The following PPP1CC variants were observed in gnomAD, a reference collection of about 807,000 sequenced individuals.
PPP1CC encodes protein phosphatase 1 catalytic subunit gamma.
A neutral mutation model predicts 38.4 loss-of-function variants in PPP1CC; 16 were observed. The observed-to-expected ratio is 0.42, with a 90% CI of 0.28 to 0.63. The LOEUF (loss-of-function observed/expected upper bound fraction) is 0.63. Among genes scored for constraint, PPP1CC ranks in the 30% least tolerant of loss-of-function variants. PPP1CC has a pLI of 0.25. For synonymous variants in PPP1CC, 158 were observed against 136.0 expected (o/e 1.16, Z -1.13); for missense variants, 170 against 391.3 (o/e 0.43, Z 4.77).
chr12:110,717,023 C>T (rs1239448961), downstream of PPP1CC, among the ~76,000 whole-genome samples: 1 of 152,216 alleles, frequency 6.6e-6, no homozygotes, highest in Non-Finnish European at 1.5e-5. Flanking sequence ...TCTGCCTGTG[C>T]CTGGCCCAAG....
Position 110,720,567 on chromosome 12 carries a change from T to C in PPP1CC, c.*509A>G. 1 of 228,706 alleles carries C rather than the reference T, an allele frequency of 4.4e-6. No individual in the cohort carries two copies. The highest frequency in any genetic ancestry group is 8.6e-6 in the Non-Finnish European group (1 of 115,642). 14.2% of individuals were successfully genotyped at this position (228,706 alleles called of 1,614,324 possible). A position where few individuals can be genotyped will look rare whatever the true frequency, so the allele number is the denominator to read the frequency against. On this transcript the variant is annotated 3_prime_UTR_variant, in exon 7 of 7. Transcript: ENST00000335007. ...TAATGTTGATAGCTATAAAAACTAG[T>C]TTGTACATAACAAGACAATGAGAGG...
At chr12:110,719,038 GC>G (rs1264869457), downstream of PPP1CC, among the ~76,000 whole-genome samples, 3 of 152,102 alleles carry the variant, frequency 2.0e-5, no homozygotes, top group Admixed American at 6.6e-5. Flanking sequence ...TAGTAGAGCA[GC>G]CCAATTTTAC....
chr12:110,734,621 G>T (rs966885945), intron 1 of PPP1CC: 1 of 153,746 alleles, frequency 6.5e-6, no homozygotes, highest in Admixed American at 6.5e-5. Flanking sequence ...GATTACAGGT[G>T]TGAGCCACCG....
chr12:110,718,021 T>C (rs113492431), downstream of PPP1CC, among the ~76,000 whole-genome samples: 284 of 152,326 alleles, frequency 1.9e-3, 2 homozygotes, highest in African/African-American at 6.4e-3. Flanking sequence ...TGGACCCACA[T>C]TGAGAAATTT....
Position 110,722,777 on chromosome 12 carries a change from C to G in PPP1CC, c.524-82G>C. On this transcript the variant is annotated intron_variant, in intron 4 of 6. Coordinates refer to ENST00000335007, the MANE Select transcript of PPP1CC (RefSeq NM_002710.4). This position sits in a 1 kb window ranked among gnomAD's most constrained non-coding sequence, Gnocchi z 5.4. The stretch of plus-strand genomic sequence containing the variant: ...CCCCTTCAAAAGTTCCATTTGTCTA[C>G]AGAGAAATTCAATAATCCTGACATA... The G allele has an allele frequency of 1.0e-6, 1 of 992,824 alleles. No homozygotes were observed. The allele number at this position is 992,824 out of a possible 1,614,324, so 61.5% of individuals were successfully genotyped here. A position where few individuals can be genotyped will look rare whatever the true frequency, so the allele number is the denominator to read the frequency against.
At chr12:110,732,119 T>C in intron 1 of PPP1CC, 1 of 583,950 alleles carries the variant, frequency 1.7e-6, no homozygotes, top group Non-Finnish European at 3.0e-6. Flanking sequence ...TCTTTTATAG[T>C]ATTCCAAAAA....
chr12:110,726,070 AAAACAAAAC>A (rs1183623567), intron 3 of PPP1CC: 8 of 152,868 alleles, frequency 5.2e-5, no homozygotes, highest in South Asian at 2.1e-4. Flanking sequence ...CTCAAAAAAC[AAAACAAAAC>A]AAACAAAACA....
intron 1 of PPP1CC, among the ~76,000 whole-genome samples, chr12:110,737,685 T>G (rs1361704354): frequency 6.7e-6 from 1 of 148,590 alleles, no homozygotes; most frequent in South Asian, 2.2e-4. Context: ...TGGTTCACGC[T>G]TGTAATCCCA....
intron 1 of PPP1CC, among the ~76,000 whole-genome samples, chr12:110,735,524 G>A (rs940756316): frequency 6.6e-6 from 1 of 152,190 alleles, no homozygotes; most frequent in Non-Finnish European, 1.5e-5. Context: ...GCTCATGCCT[G>A]TAATCCCAAC....
At chr12:110,724,255 AC>A (rs2069770457) in intron 4 of PPP1CC, among the ~76,000 whole-genome samples, 2 of 151,848 alleles carry the variant, frequency 1.3e-5, no homozygotes, top group South Asian at 4.2e-4. Flanking sequence ...AAAAACAAAA[AC>A]AAAAAAAACC....
At chr12:110,742,338 C>A (rs2070026887) in intron 1 of PPP1CC, among the ~76,000 whole-genome samples, 1 of 151,898 alleles carries the variant, frequency 6.6e-6, no homozygotes, top group Admixed American at 6.5e-5. Context: ...CCGTCCAGTG[C>A]GCGGGGGCAA....
At chr12:110,736,044 C>G (rs956702333) in intron 1 of PPP1CC, among the ~76,000 whole-genome samples, 1 of 150,070 alleles carries the variant, frequency 6.7e-6, no homozygotes, top group African/African-American at 2.5e-5. Context: ...GCCTGGGGAA[C>G]AAGAATAAGA....
the PPP1CC span, among the ~76,000 whole-genome samples, chr12:110,712,649 AAAAAAAAAAAAAAAAAAGG>A: frequency 6.7e-6 from 1 of 149,138 alleles, no homozygotes; most frequent in Non-Finnish European, 1.5e-5. Flanking sequence ...AAAAAAAAAA[AAAAAAAAAAAAAAAAAAGG>A]GGGGGCACTG....
At chr12:110,739,154 A>C (rs2069982344) in intron 1 of PPP1CC, among the ~76,000 whole-genome samples, 1 of 151,958 alleles carries the variant, frequency 6.6e-6, no homozygotes. Context: ...AAAAATACAA[A>C]AACTTGGCCG....
At chr12:110,738,399 T>C (rs2136567497) in intron 1 of PPP1CC, among the ~76,000 whole-genome samples, 1 of 152,340 alleles carries the variant, frequency 6.6e-6, no homozygotes, top group South Asian at 2.1e-4. Flanking sequence ...TATTATCTCC[T>C]TCATATTTTA....
At chr12:110,721,350 G>C in intron 6 of PPP1CC, 185 bp from the exon 7 acceptor site, 1 of 511,998 alleles carries the variant, frequency 2.0e-6, no homozygotes, top group African/African-American at 1.9e-5. Flanking sequence ...ACGCTATGAC[G>C]AACAGATAAA....
chr12:110,734,340 G>A (rs2069916528), intron 1 of PPP1CC, among the ~76,000 whole-genome samples: 1 of 152,068 alleles, frequency 6.6e-6, no homozygotes, highest in Non-Finnish European at 1.5e-5. Context: ...ATATATTCCA[G>A]ACTATATATT....
At position 110,742,545 on chromosome 12, in the gene PPP1CC, C is replaced by G. The variant is rs530418200; in HGVS notation, c.55+108G>C. ...GCCAACTCGAGGAGCTCACTCCCCACGGTGCTGCAAGCCCAACCGGCCTCC... is the reference window on the plus strand; with the variant it reads ...GCCAACTCGAGGAGCTCACTCCCCAGGGTGCTGCAAGCCCAACCGGCCTCC... On this transcript the variant is annotated intron_variant, in intron 1 of 6. Transcript: ENST00000335007. 2.7e-5 allele frequency: 26 copies of G among 946,784 alleles called. No individual in the cohort carries two copies. In the South Asian group the frequency reaches 6.8e-4, roughly 25 times the overall value. The allele number at this position is 946,784 out of a possible 1,614,324, so 58.6% of individuals were successfully genotyped here.
At chr12:110,710,994 G>A in the PPP1CC span, among the ~76,000 whole-genome samples, 2,351 of 151,260 alleles carry the variant, frequency 0.016, 33 homozygotes, top group Non-Finnish European at 0.025. Flanking sequence ...TGGACAACAT[G>A]GTGAAACCCC....
Sources: allele counts gnomAD v4.1 joint callset (sites outside exome capture counted in the v4.1 genomes callset), GRCh38; gene constraint gnomAD v4.1.1; non-coding constraint Gnocchi (gnomAD v3.1); transcripts MANE v1.5; gene names NCBI Gene and HGNC (gene_info 2026-07-23, HGNC 2026-07-21).